The following TBXAS1 variants were observed in gnomAD, a reference collection of about 807,000 sequenced individuals.
TBXAS1 encodes thromboxane-A synthase.
TBXAS1 carries 48 observed loss-of-function variants against 60.7 expected under a neutral mutation model. The observed-to-expected ratio is 0.79, with a 90% CI of 0.63 to 1.01. The LOEUF is 1.01. Ranked by LOEUF, TBXAS1 falls within the 50% of genes least tolerant of loss-of-function variation. The pLI, the probability that TBXAS1 is intolerant of heterozygous loss-of-function variation, is 0.00. For synonymous variants in TBXAS1, 287 were observed against 269.7 expected (o/e 1.06, Z -0.63); for missense variants, 685 against 686.3 (o/e 1.00, Z 0.02).
intron 9 of TBXAS1, among the ~76,000 whole-genome samples, chr7:139,990,294 T>C (rs536526392): frequency 2.1e-4 from 32 of 152,290 alleles, no homozygotes; most frequent in Middle Eastern, 3.4e-3. Flanking sequence ...CCAGGGGACG[T>C]GAGGGCGCAT....
intron 4 of TBXAS1, among the ~76,000 whole-genome samples, chr7:139,807,016 T>A (rs144144941): frequency 1.8e-3 from 280 of 152,290 alleles, no homozygotes; most frequent in African/African-American, 6.4e-3. Context: ...CTTTTCTCAT[T>A]GAATGTGCCT....
At chr7:139,806,306 A>G (rs1797876175) in intron 4 of TBXAS1, among the ~76,000 whole-genome samples, 1 of 148,198 alleles carries the variant, frequency 6.7e-6, no homozygotes, top group Admixed American at 6.9e-5. Context: ...TCTGTCACTC[A>G]GTCTGGAGTG....
intron 9 of TBXAS1, among the ~76,000 whole-genome samples, chr7:139,963,294 A>T (rs933301983): frequency 2.6e-5 from 4 of 152,180 alleles, no homozygotes; most frequent in Non-Finnish European, 5.9e-5. Flanking sequence ...TAGACGGAAG[A>T]GTTTATATTT....
intron 4 of TBXAS1, among the ~76,000 whole-genome samples, chr7:139,798,823 T>G (rs1383999899): frequency 6.6e-6 from 1 of 152,232 alleles, no homozygotes; most frequent in Non-Finnish European, 1.5e-5. Context: ...TAGAAGATTC[T>G]GATTCCGTGT....
At chr7:139,835,303 C>A (rs535063333) in intron 1 of TBXAS1, among the ~76,000 whole-genome samples, 1 of 152,070 alleles carries the variant, frequency 6.6e-6, no homozygotes, top group Non-Finnish European at 1.5e-5. Flanking sequence ...CTCCTGACCT[C>A]GTGGTCCACC....
At chr7:139,944,028 G>A (rs1399740051) in intron 5 of TBXAS1, among the ~76,000 whole-genome samples, 1 of 152,034 alleles carries the variant, frequency 6.6e-6, no homozygotes, top group Non-Finnish European at 1.5e-5. Context: ...AATTTATAAA[G>A]GTCAACAAAT....
At chr7:139,858,494 C>G (rs1397199895) in intron 1 of TBXAS1, among the ~76,000 whole-genome samples, 1 of 152,180 alleles carries the variant, frequency 6.6e-6, no homozygotes, top group African/African-American at 2.4e-5. Context: ...CTCTTAGCCA[C>G]AATGATCATA....
chr7:139,833,178 C>G lies in TBXAS1; in HGVS notation c.89+3699C>G, dbSNP rs1244270302. ...ACTGAATGTAAATGGCCTAAATGCT[C>G]CACTTAAAAGATACAGAACTGCAGA... On this transcript the variant is annotated intron_variant, in intron 1 of 12. Coordinates refer to ENST00000448866, the MANE Select transcript of TBXAS1 (RefSeq NM_001061.7). Among the ~76,000 whole-genome samples the G allele has an allele frequency of 5.3e-5, 8 of 152,276 alleles. No individual in the cohort carries two copies. The South Asian group carries it at 6.2e-4, about 12-fold the overall frequency.
chr7:139,801,410 T>A (rs898715760), intron 4 of TBXAS1, among the ~76,000 whole-genome samples: 2 of 152,198 alleles, frequency 1.3e-5, no homozygotes, highest in Non-Finnish European at 2.9e-5. Context: ...CAAAACTAGA[T>A]TTCTATCACC....
chr7:139,847,097 C>T (rs2116620074), intron 1 of TBXAS1, among the ~76,000 whole-genome samples: 2 of 152,260 alleles, frequency 1.3e-5, no homozygotes, highest in Admixed American at 1.3e-4. Context: ...ATCTGTTTAC[C>T]TCTCAGTTGT....
intron 3 of TBXAS1, among the ~76,000 whole-genome samples, chr7:139,877,380 G>A (rs945385611): frequency 3.3e-5 from 5 of 152,086 alleles, no homozygotes; most frequent in East Asian, 1.9e-4. Context: ...TTCTCTTACC[G>A]TTGTGTGGTT....
chr7:139,839,684 A>T (rs559473614), intron 1 of TBXAS1, among the ~76,000 whole-genome samples: 13 of 151,432 alleles, frequency 8.6e-5, no homozygotes, highest in Admixed American at 6.6e-4. Context: ...ACCAAAAAAA[A>T]AAAAAAAAAA....
At chr7:139,958,623 G>A (rs981228887) in intron 8 of TBXAS1, among the ~76,000 whole-genome samples, 34 of 152,236 alleles carry the variant, frequency 2.2e-4, no homozygotes, top group Non-Finnish European at 4.7e-4. Flanking sequence ...AATTGTTAAG[G>A]CACTGGCCTG....
intron 4 of TBXAS1, among the ~76,000 whole-genome samples, chr7:139,810,468 C>T (rs778902599): frequency 2.6e-5 from 4 of 152,080 alleles, no homozygotes; most frequent in Non-Finnish European, 5.9e-5. Context: ...GTGCTATATT[C>T]GCCATGGGGA....
chr7:139,908,825 G>C (rs1805300880), intron 3 of TBXAS1, among the ~76,000 whole-genome samples: 2 of 152,090 alleles, frequency 1.3e-5, no homozygotes, highest in Non-Finnish European at 2.9e-5. Context: ...TCTGTTTGGA[G>C]AACATCCTTC....
At chr7:140,009,885 G>A (rs116112205) in intron 10 of TBXAS1, among the ~76,000 whole-genome samples, 2,420 of 10,912 alleles carry the variant, frequency 0.22, 283 homozygotes, top group East Asian at 0.51. Flanking sequence ...CTCCATGCCC[G>A]CCCCACACCT....
chr7:139,986,101 A>C (rs990862572), intron 9 of TBXAS1, among the ~76,000 whole-genome samples: 4 of 152,204 alleles, frequency 2.6e-5, no homozygotes, highest in African/African-American at 9.6e-5. Flanking sequence ...AGTGCCACAG[A>C]ATGGACATGG....
intron 1 of TBXAS1, among the ~76,000 whole-genome samples, chr7:139,844,392 G>A (rs1799668651): frequency 6.6e-6 from 1 of 152,154 alleles, no homozygotes; most frequent in African/African-American, 2.4e-5. Context: ...CAGCAACAAT[G>A]TATATTTAAG....
chr7:139,986,155 G>T (rs1352094808), intron 9 of TBXAS1, among the ~76,000 whole-genome samples: 1 of 152,242 alleles, frequency 6.6e-6, no homozygotes, highest in Admixed American at 6.5e-5. Flanking sequence ...GTGAATGTTT[G>T]TTGAGTTCTC....
Sources: gnomAD v4.1 joint callset for allele counts (sites outside exome capture counted in the v4.1 genomes callset) on GRCh38, gnomAD v4.1.1 for gene constraint, MANE v1.5 for transcripts, NCBI Gene and HGNC (gene_info 2026-07-23, HGNC 2026-07-21) for gene names.